Variants in PDCD4 observed in about 807,000 individuals in gnomAD.
PDCD4 encodes the protein programmed cell death 4, also known as programmed cell death protein 4.
In PDCD4, 56 loss-of-function variants were observed where a neutral mutation model predicts 54.0. The observed-to-expected ratio is 1.04, with a 90% confidence interval of 0.84 to 1.30. The LOEUF (loss-of-function observed/expected upper bound fraction) is 1.30. Among genes scored for constraint, PDCD4 ranks in the 50% most tolerant of loss-of-function variants. The pLI, the probability that PDCD4 is intolerant of heterozygous loss-of-function variation, is 0.00. For synonymous variants in PDCD4, 186 were observed against 194.8 expected, an observed-to-expected ratio of 0.95 and a Z score of 0.37; for missense variants, 584 against 559.8, an observed-to-expected ratio of 1.04 and a Z score of -0.44.
chr10:110,879,404 C>A (rs1347757044), intron 2 of PDCD4, among the ~76,000 whole-genome samples: 1 of 152,112 alleles, frequency 6.6e-6, no homozygotes. Flanking sequence ...CGGTGGCTCA[C>A]GCCTGTAATC....
chr10:110,890,031 G>A (rs527929190), intron 7 of PDCD4, among the ~76,000 whole-genome samples: 12 of 152,172 alleles, frequency 7.9e-5, no homozygotes, highest in Non-Finnish European at 1.3e-4. Context: ...TTTATCTACT[G>A]TAGAAATCTT....
intron 7 of PDCD4, among the ~76,000 whole-genome samples, chr10:110,889,974 A>G (rs1382573678): frequency 1.3e-5 from 2 of 152,198 alleles, no homozygotes; most frequent in African/African-American, 4.8e-5. Context: ...TTCTAATAAG[A>G]TGGATAACCT....
In PDCD4 at chr10:110,881,224, C is replaced by T. The variant is rs759841207; in HGVS notation, c.44-9C>T. 6.3e-7 allele frequency: 1 copy of T among 1,588,878 alleles called. No homozygotes were observed. On this transcript the variant is annotated splice_polypyrimidine_tract_variant and intron_variant, in intron 2 of 11. Coordinates refer to ENST00000280154, the MANE Select transcript of PDCD4 (RefSeq NM_014456.5). ...ACTTAGAATTTTTTTCTTCATTTTTCTCTTTAAGATCCTGATAACTTAAGT... is the reference window on the plus strand; with the variant it reads ...ACTTAGAATTTTTTTCTTCATTTTTTTCTTTAAGATCCTGATAACTTAAGT...
chr10:110,898,865 C>CTT lies in PDCD4; in HGVS notation c.*783_*784dup, dbSNP rs949933576. 2.6e-5 allele frequency: 4 copies of CTT among 152,452 alleles called. No individual in the cohort carries two copies. The highest frequency in any genetic ancestry group is 2.6e-4 in the Admixed American group (4 of 15,274). 9.4% of individuals were successfully genotyped at this position (152,452 alleles called of 1,614,324 possible). Reference sequence around the variant, plus strand: ...TTTAATCTTAGTGTTCCCTTGAAAACTTTTTTTCCCTACAAAATTTTAAGT... The same window carrying CTT: ...TTTAATCTTAGTGTTCCCTTGAAAACTTTTTTTTTCCCTACAAAATTTTAAGT... On this transcript the variant is annotated 3_prime_UTR_variant, in exon 12 of 12. Transcript: ENST00000280154.
intron 2 of PDCD4, among the ~76,000 whole-genome samples, chr10:110,880,725 C>A (rs1317620026): frequency 6.6e-6 from 1 of 152,180 alleles, no homozygotes; most frequent in Non-Finnish European, 1.5e-5. Context: ...GTTTCCTTAT[C>A]TGTCTTCAAT....
rs1481462408 is a variant in PDCD4 at position 110,898,144 on chromosome 10, AGTT to A, written c.*60_*62del. The A allele has an allele frequency of 1.3e-6, 1 of 755,738 alleles. No individual in the cohort carries two copies. Among genetic ancestry groups the A allele is most frequent in the Non-Finnish European group, 1.9e-6 (1 of 518,928 alleles). The allele number at this position is 755,738 out of a possible 1,614,324, so 46.8% of individuals were successfully genotyped here. ...TAAAAATATATATCTGAATTGTAAG[AGTT>A]GTTAGCACAAGTTTTTTTTTTTTTT... On this transcript the variant is annotated 3_prime_UTR_variant, in exon 12 of 12. Coordinates refer to ENST00000280154, the MANE Select transcript of PDCD4 (RefSeq NM_014456.5).
chr10:110,875,024 G>T (rs537367709), intron 1 of PDCD4, among the ~76,000 whole-genome samples: 4 of 152,046 alleles, frequency 2.6e-5, no homozygotes, highest in Non-Finnish European at 5.9e-5. Context: ...CAACCTATGT[G>T]ACTTAAACAT....
intron 2 of PDCD4, among the ~76,000 whole-genome samples, chr10:110,880,822 T>C (rs2135196727): frequency 6.6e-6 from 1 of 152,342 alleles, no homozygotes; most frequent in South Asian, 2.1e-4. Flanking sequence ...CTATAAATAT[T>C]AGTTTATCTC....
Position 110,881,330 on chromosome 10 carries a change from A to C in PDCD4, c.141A>C (p.Ala47=), listed in dbSNP as rs780026914. The C allele has an allele frequency of 1.2e-6, 2 of 1,614,040 alleles. No homozygotes were observed. The highest frequency in any genetic ancestry group is 3.3e-5 in the Admixed American group (2 of 60,026). ...AAATAAATGGAAATTGGATTTCAGCATCCTCCATTAACGAAGCTAGAATTA... is the reference window on the plus strand; with the variant it reads ...AAATAAATGGAAATTGGATTTCAGCCTCCTCCATTAACGAAGCTAGAATTA... ...KNEINGNWIS[A]SSINEARINA... The change falls in exon 3 of 12, where the codon GCA becomes GCC. Residue 47 remains alanine, a synonymous_variant. Coordinates refer to ENST00000280154, the MANE Select transcript of PDCD4 (RefSeq NM_014456.5).
rs1188942375 is a variant in PDCD4, at chr10:110,899,624, C to CCTGT, written c.*1539_*1542dup. 2.6e-5 allele frequency: 4 copies of CCTGT among 151,964 alleles called. No homozygotes were observed. The highest frequency in any genetic ancestry group is 4.8e-5 in the African/African-American group (2 of 41,334). 9.4% of individuals were successfully genotyped at this position (151,964 alleles called of 1,614,324 possible). ...ACCAGCTTGACCAACATGAAGAAAC[C>CCTGT]CTGTCTCTATTAAAAATACAAAAGT... On this transcript the variant is annotated 3_prime_UTR_variant, in exon 12 of 12. Transcript: ENST00000280154.
rs901977228 is a variant in PDCD4, at chr10:110,899,098, T to G, written c.*1010T>G. The G allele has an allele frequency of 6.6e-6, 1 of 152,208 alleles. No homozygotes were observed. Among genetic ancestry groups the G allele is most frequent in the Non-Finnish European group, 1.5e-5 (1 of 68,016 alleles). 9.4% of individuals were successfully genotyped at this position (152,208 alleles called of 1,614,324 possible). A position where few individuals can be genotyped will look rare whatever the true frequency, so the allele number is the denominator to read the frequency against. ...GACCCAAAGCTTGACATTTACCTAA[T>G]GTATGAGAAAATATTACCAATTAAC... On this transcript the variant is annotated 3_prime_UTR_variant, in exon 12 of 12. Coordinates refer to ENST00000280154, the MANE Select transcript of PDCD4 (RefSeq NM_014456.5).
Position 110,890,588 on chromosome 10 carries a change from G to A in PDCD4, c.908G>A (p.Ser303Asn), listed in dbSNP as rs1392496609. The A allele has an allele frequency of 9.3e-6, 15 of 1,613,108 alleles. No homozygotes were observed. The highest frequency in any genetic ancestry group is 1.3e-5 in the Non-Finnish European group (15 of 1,179,468). Reference protein sequence around the residue: ...AALDKATVLLSMSKGGKRKDS... With the variant: ...AALDKATVLLNMSKGGKRKDS... The stretch of plus-strand genomic sequence containing the variant: ...CTGGATAAGGCTACCGTGCTTCTGA[G>A]TATGTCTAAAGGTGGAAAGCGTAAA... Residue 303 changes from serine (S) to asparagine (N), a missense_variant, in exon 8 of 12, where the codon AGT becomes AAT. By Grantham distance (46) the Ser-to-Asn change is conservative. Coordinates refer to ENST00000280154, the MANE Select transcript of PDCD4 (RefSeq NM_014456.5).
chr10:110,879,634 C>T (rs1348840591), intron 2 of PDCD4, among the ~76,000 whole-genome samples: 1 of 144,606 alleles, frequency 6.9e-6, no homozygotes, highest in African/African-American at 2.6e-5. Context: ...GCCTGGGTGA[C>T]AGAGCGACAC....
chr10:110,872,387 G>A (rs1303629068), intron 1 of PDCD4, among the ~76,000 whole-genome samples: 1 of 152,146 alleles, frequency 6.6e-6, no homozygotes, highest in Non-Finnish European at 1.5e-5. Flanking sequence ...GGTTGAATTC[G>A]GGGGCCGGGA....
intron 1 of PDCD4, among the ~76,000 whole-genome samples, chr10:110,875,221 G>A (rs558240645): frequency 6.6e-6 from 1 of 152,014 alleles, no homozygotes; most frequent in Non-Finnish European, 1.5e-5. Context: ...AAACCTTCCA[G>A]TATTAATAAT....
rs779547967 is a variant in PDCD4, at chr10:110,881,244, T to G, written c.55T>G (p.Leu19Val). The change falls in exon 3 of 12, where the codon TTA becomes GTA. Residue 19 changes from leucine to valine, a missense_variant. Transcript: ENST00000280154. ...LNVNPADPDN[L>V]SDSLFSGDEE... The stretch of plus-strand genomic sequence containing the variant: ...TTTTTCTCTTTAAGATCCTGATAAC[T>G]TAAGTGACTCTCTCTTTTCCGGTGA... 7 of 1,611,392 alleles carry G rather than the reference T, an allele frequency of 4.3e-6. No homozygotes were observed. In the Admixed American group the frequency reaches 1.2e-4, roughly 27 times the overall value.
chr10:110,880,595 AC>A (rs1845575631), intron 2 of PDCD4: 1 of 152,314 alleles, frequency 6.6e-6, no homozygotes, highest in African/African-American at 2.4e-5. Flanking sequence ...GTTCAGCTCA[AC>A]AATCATATGC....
chr10:110,893,305 C>T (rs571605621), intron 8 of PDCD4, among the ~76,000 whole-genome samples: 117 of 150,838 alleles, frequency 7.8e-4, no homozygotes, highest in Non-Finnish European at 1.4e-3. Context: ...TTTACTTTAC[C>T]TTTTATGAAA....
In PDCD4 at chr10:110,876,646, AT is replaced by A. The variant is rs1845509859; in HGVS notation, c.43+581del. ...TCTTTGGTATCTTTCCTAACAAATAATTTTTATATTCTAAATTACCTAGGGT... is the reference window on the plus strand; with the variant it reads ...TCTTTGGTATCTTTCCTAACAAATAATTTTATATTCTAAATTACCTAGGGT... On this transcript the variant is annotated intron_variant, in intron 2 of 11. Coordinates refer to ENST00000280154, the MANE Select transcript of PDCD4 (RefSeq NM_014456.5). The A allele has an allele frequency of 1.1e-5, 8 of 760,616 alleles. No individual in the cohort carries two copies. In the East Asian group the frequency reaches 2.6e-4, roughly 25 times the overall value. The allele number at this position is 760,616 out of a possible 1,614,324, so 47.1% of individuals were successfully genotyped here.
Sources: allele counts gnomAD v4.1 joint callset (sites outside exome capture counted in the v4.1 genomes callset), GRCh38; gene constraint gnomAD v4.1.1; transcripts MANE v1.5; gene names NCBI Gene and HGNC (gene_info 2026-07-23, HGNC 2026-07-21).